The following SLC46A1 variants were observed in gnomAD, a reference collection of about 807,000 sequenced individuals.
SLC46A1 encodes the protein proton-coupled folate transporter.
Under a neutral mutation model 32.1 loss-of-function variants are expected in SLC46A1, and 17 were observed. That is an observed-to-expected ratio of 0.53 (90% CI 0.36 to 0.79). The LOEUF (loss-of-function observed/expected upper bound fraction) is 0.79. Ranked by LOEUF, SLC46A1 falls within the 30% of genes least tolerant of loss-of-function variation. The pLI, the probability that SLC46A1 is intolerant of heterozygous loss-of-function variation, is 0.00. For synonymous variants in SLC46A1, 240 were observed against 262.7 expected, an observed-to-expected ratio of 0.91 and a Z score of 0.84; for missense variants, 517 against 588.2, an observed-to-expected ratio of 0.88 and a Z score of 1.25.
chr17:28,399,799 T>C (rs2068174406), intron 4 of SLC46A1, 86 bp from the exon 5 acceptor site: 11 of 1,447,510 alleles, frequency 7.6e-6, no homozygotes, highest in Non-Finnish European at 9.7e-6. Flanking sequence ...TTTACTGGGG[T>C]GGGCTGGTCC....
At position 28,406,091 on chromosome 17, in the gene SLC46A1, C is replaced by G; in HGVS notation, c.24G>C (p.Pro8=). 3 of 1,564,872 alleles carry G rather than the reference C, an allele frequency of 1.9e-6. No individual in the cohort carries two copies. Among genetic ancestry groups the G allele is most frequent in the Non-Finnish European group, 2.6e-6 (3 of 1,157,984 alleles). The change falls in exon 1 of 5, where the codon CCG becomes CCC. Residue 8 remains proline, a synonymous_variant. Coordinates refer to ENST00000612814, the MANE Select transcript of SLC46A1 (RefSeq NM_080669.6). The surrounding 1 kb of genome is among the most constrained non-coding windows in gnomAD (Gnocchi z 4.5). Reference sequence around the variant, plus strand: ...CCGCAGGGCGGGCGCGGGGCTTTTCCGGGGGGCTCGCGCTCCCCTCCATGT... The same window carrying G: ...CCGCAGGGCGGGCGCGGGGCTTTTCGGGGGGGCTCGCGCTCCCCTCCATGT... The part of the protein sequence containing the change: MEGSASP[P]EKPRARPAAA...
chr17:28,405,925 C>G lies in SLC46A1; in HGVS notation c.190G>C (p.Gly64Arg), dbSNP rs782360877. ...TCCGCGCTGCGGTTGCTGCAGCCCC[C>G]CCTTTGGCGGGTGCCATTGTAGCCG... ...DLGYNGTRQR[G>R]GCSNRSADPT... Residue 64 changes from glycine (G) to arginine (R), a missense_variant, in exon 1 of 5, where the codon GGG (glycine) becomes CGG (arginine). By Grantham distance (125) the Gly-to-Arg change is moderately radical (BLOSUM62 -2). Coordinates refer to ENST00000612814, the MANE Select transcript of SLC46A1 (RefSeq NM_080669.6). 1.6e-5 allele frequency: 26 copies of G among 1,609,468 alleles called. No homozygotes were observed. The highest frequency in any genetic ancestry group is 8.9e-5 in the South Asian group (8 of 90,328).
Position 28,399,390 on chromosome 17 carries a change from G to C in SLC46A1, c.*266C>G. 2.0e-6 allele frequency: 1 copy of C among 495,350 alleles called. No homozygotes were observed. Among genetic ancestry groups the C allele is most frequent in the South Asian group, 2.5e-5 (1 of 39,354 alleles). The allele number at this position is 495,350 out of a possible 1,614,324, so 30.7% of individuals were successfully genotyped here. On this transcript the variant is annotated 3_prime_UTR_variant, in exon 5 of 5. Transcript: ENST00000612814. ...TTATAAGTGATGGATAGCAGAAAGGGAGAACTGACTCCTGTCCCAAATAGC... is the reference window on the plus strand; with the variant it reads ...TTATAAGTGATGGATAGCAGAAAGGCAGAACTGACTCCTGTCCCAAATAGC...
rs2068191325 is a variant in SLC46A1, at chr17:28,401,012, T to G, written c.1166-246A>C. 14 of 512,374 alleles carry G rather than the reference T, an allele frequency of 2.7e-5. No homozygotes were observed. The South Asian group carries it at 3.0e-4, about 11-fold the overall frequency. The allele number at this position is 512,374 out of a possible 1,614,324, so 31.7% of individuals were successfully genotyped here. Reference sequence around the variant, plus strand: ...AAATCCACATTAAAAGTACATGTGATCTGACAGAACCCAGCACATAAAAGA... The same window carrying G: ...AAATCCACATTAAAAGTACATGTGAGCTGACAGAACCCAGCACATAAAAGA... On this transcript the variant is annotated intron_variant, in intron 3 of 4. Coordinates refer to ENST00000612814, the MANE Select transcript of SLC46A1 (RefSeq NM_080669.6).
At chr17:28,406,345 GA>G, upstream of SLC46A1, 1 of 412,656 alleles carries the variant, frequency 2.4e-6, no homozygotes, top group African/African-American at 2.1e-5. This position sits in a 1 kb window ranked among gnomAD's most constrained non-coding sequence, Gnocchi z 4.5. Context: ...CAGCCCGCGG[GA>G]TGACCTCACC....
In SLC46A1 at chr17:28,396,607, T is replaced by C; in HGVS notation, c.*3049A>G. 3.2e-6 allele frequency: 1 copy of C among 316,654 alleles called. No individual in the cohort carries two copies. Among genetic ancestry groups the C allele is most frequent in the Non-Finnish European group, 5.9e-6 (1 of 168,594 alleles). 19.6% of individuals were successfully genotyped at this position (316,654 alleles called of 1,614,324 possible). ...AGTTGGGGTGGGGGTGGTTCTGCATTCCCTTCTCCTGCTGATAGCAGTCAG... is the reference window on the plus strand; with the variant it reads ...AGTTGGGGTGGGGGTGGTTCTGCATCCCCTTCTCCTGCTGATAGCAGTCAG... On this transcript the variant is annotated 3_prime_UTR_variant, in exon 5 of 5. Coordinates refer to ENST00000612814, the MANE Select transcript of SLC46A1 (RefSeq NM_080669.6).
At chr17:28,405,754 G>C in intron 1 of SLC46A1, 133 bp downstream of exon 1, 4 of 1,119,672 alleles carry the variant, frequency 3.6e-6, no homozygotes, top group Non-Finnish European at 5.0e-6. Flanking sequence ...CTTTGCTCTG[G>C]TCCCGCCCAC....
At position 28,406,122 on chromosome 17, in the gene SLC46A1, C is replaced by T. The variant is rs782192529; in HGVS notation, c.-8G>A. On this transcript the variant is annotated 5_prime_UTR_variant, in exon 1 of 5. Coordinates refer to ENST00000612814, the MANE Select transcript of SLC46A1 (RefSeq NM_080669.6). The surrounding 1 kb of genome is among the most constrained non-coding windows in gnomAD (Gnocchi z 4.5). Reference sequence around the variant, plus strand: ...GCTCGCGCTCCCCTCCATGTGCGTGCGCGGCGGAGCTGTCGCCAGGCGGGC... The same window carrying T: ...GCTCGCGCTCCCCTCCATGTGCGTGTGCGGCGGAGCTGTCGCCAGGCGGGC... 22 of 1,428,646 alleles carry T rather than the reference C, an allele frequency of 1.5e-5. 1 individual carries two copies. Among genetic ancestry groups the T allele is most frequent in the South Asian group, 1.4e-4 (9 of 65,032 alleles). The allele number at this position is 1,428,646 out of a possible 1,614,324, so 88.5% of individuals were successfully genotyped here. A position where few individuals can be genotyped will look rare whatever the true frequency, so the allele number is the denominator to read the frequency against.
Position 28,394,720 on chromosome 17 carries a change from CT to C in SLC46A1, c.*4935del, listed in dbSNP as rs1555587393. On this transcript the variant is annotated 3_prime_UTR_variant, in exon 5 of 5. Coordinates refer to ENST00000612814, the MANE Select transcript of SLC46A1 (RefSeq NM_080669.6). ...GAAAATAAGACTAAGTATAGAGTTT[CT>C]TTGAGTGCAAAGTTTGAGAATAGCC... 2.0e-5 allele frequency: 3 copies of C among 152,174 alleles called. No individual in the cohort carries two copies. Among genetic ancestry groups the C allele is most frequent in the African/African-American group, 7.2e-5 (3 of 41,426 alleles). 9.4% of individuals were successfully genotyped at this position (152,174 alleles called of 1,614,324 possible). A position where few individuals can be genotyped will look rare whatever the true frequency, so the allele number is the denominator to read the frequency against.
rs781871462 is a variant in SLC46A1, at chr17:28,405,498, T to A, written c.229-30A>T. The A allele has an allele frequency of 1.2e-5, 19 of 1,588,428 alleles. No homozygotes were observed. In the South Asian group the frequency reaches 2.1e-4, roughly 17 times the overall value. Reference sequence around the variant, plus strand: ...AGGGGCACAATGACCAGGGTGCGGTTCCTCACTCTGGGTTCCACAATCCCC... The same window carrying A: ...AGGGGCACAATGACCAGGGTGCGGTACCTCACTCTGGGTTCCACAATCCCC... On this transcript the variant is annotated intron_variant, in intron 1 of 4. Coordinates refer to ENST00000612814, the MANE Select transcript of SLC46A1 (RefSeq NM_080669.6).
Position 28,398,944 on chromosome 17 carries a change from G to A in SLC46A1, c.*712C>T, listed in dbSNP as rs1464357691. 2.0e-5 allele frequency: 3 copies of A among 152,308 alleles called. No homozygotes were observed. The highest frequency in any genetic ancestry group is 7.2e-5 in the African/African-American group (3 of 41,446). The allele number at this position is 152,308 out of a possible 1,614,324, so 9.4% of individuals were successfully genotyped here. A position where few individuals can be genotyped will look rare whatever the true frequency, so the allele number is the denominator to read the frequency against. On this transcript the variant is annotated 3_prime_UTR_variant, in exon 5 of 5. Coordinates refer to ENST00000612814, the MANE Select transcript of SLC46A1 (RefSeq NM_080669.6). ...CCAGGCAGCTCAGGGCTCCTGCCCA[G>A]CCCAGCAGCTTCTGTTGTCTAACGT...
intron 4 of SLC46A1, 191 bp from the exon 5 acceptor site, chr17:28,399,904 T>G: frequency 1.7e-6 from 1 of 598,400 alleles, no homozygotes; most frequent in Non-Finnish European, 3.0e-6. Flanking sequence ...TAACTTTTTT[T>G]TTTTTAAGAG....
At chr17:28,404,452 T>C in intron 2 of SLC46A1, 164 bp downstream of exon 2, 1 of 872,700 alleles carries the variant, frequency 1.1e-6, no homozygotes, top group Non-Finnish European at 1.8e-6. Flanking sequence ...AAAGATGGCA[T>C]TTTTGAGGGA....
chr17:28,400,735 A>C lies in SLC46A1; in HGVS notation c.1197T>G (p.Asn399Lys). 1 of 1,594,470 alleles carries C rather than the reference A, an allele frequency of 6.3e-7. No homozygotes were observed. Among genetic ancestry groups the C allele is most frequent in the South Asian group, 1.1e-5 (1 of 88,418 alleles). ...CGGAGGCCGTCAGCATGGCCAGGCT[A>C]TTCACACAGGCCACAGCAGAAAAGA... The part of the protein sequence containing the change: ...GALFSAVACV[N>K]SLAMLTASGI... Residue 399 changes from asparagine to lysine, a missense_variant, in exon 4 of 5, where the codon AAT becomes AAG. Transcript: ENST00000612814.
At position 28,395,911 on chromosome 17, in the gene SLC46A1, G is replaced by A. The variant is rs781916448; in HGVS notation, c.*3745C>T. On this transcript the variant is annotated 3_prime_UTR_variant, in exon 5 of 5. Transcript: ENST00000612814. ...CTTTCCTTTCTTTCTCCAGGAGATT[G>A]TGACTGCTTTAAGCTGCGGCAAGAA... 3.1e-6 allele frequency: 5 copies of A among 1,613,872 alleles called. No homozygotes were observed. The highest frequency in any genetic ancestry group is 4.2e-6 in the Non-Finnish European group (5 of 1,179,878).
Position 28,396,614 on chromosome 17 carries a change from T to G in SLC46A1, c.*3042A>C. 1 of 299,692 alleles carries G rather than the reference T, an allele frequency of 3.3e-6. No homozygotes were observed. Among genetic ancestry groups the G allele is most frequent in the Non-Finnish European group, 6.3e-6 (1 of 158,568 alleles). 18.6% of individuals were successfully genotyped at this position (299,692 alleles called of 1,614,324 possible). On this transcript the variant is annotated 3_prime_UTR_variant, in exon 5 of 5. Transcript: ENST00000612814. ...GTGGGGGTGGTTCTGCATTCCCTTCTCCTGCTGATAGCAGTCAGCTTGAGG... is the reference window on the plus strand; with the variant it reads ...GTGGGGGTGGTTCTGCATTCCCTTCGCCTGCTGATAGCAGTCAGCTTGAGG...
At position 28,397,903 on chromosome 17, in the gene SLC46A1, A is replaced by AGG. The variant is rs2068150261; in HGVS notation, c.*1752_*1753insCC. 6.6e-6 allele frequency: 1 copy of AGG among 152,564 alleles called. No homozygotes were observed. The highest frequency in any genetic ancestry group is 1.5e-5 in the Non-Finnish European group (1 of 68,328). 9.5% of individuals were successfully genotyped at this position (152,564 alleles called of 1,614,324 possible). A position where few individuals can be genotyped will look rare whatever the true frequency, so the allele number is the denominator to read the frequency against. On this transcript the variant is annotated 3_prime_UTR_variant, in exon 5 of 5. Transcript: ENST00000612814. ...TGGCTGTGCTGGCCAGGTGACTCCT[A>AGG]GTTCTTGGCCACATCATCAGAAAGT...
Position 28,396,303 on chromosome 17 carries a change from C to A in SLC46A1, c.*3353G>T. 6.2e-7 allele frequency: 1 copy of A among 1,613,598 alleles called. No individual in the cohort carries two copies. The highest frequency in any genetic ancestry group is 8.5e-7 in the Non-Finnish European group (1 of 1,179,710). ...CCAACCTAACCAGTCCCCAGTTCCC[C>A]AGCCCTGCTGTGACTTCCATTTCCA... On this transcript the variant is annotated 3_prime_UTR_variant, in exon 5 of 5. Coordinates refer to ENST00000612814, the MANE Select transcript of SLC46A1 (RefSeq NM_080669.6).
chr17:28,405,177 T>G lies in SLC46A1; in HGVS notation c.520A>C (p.Ser174Arg). The G allele has an allele frequency of 1.2e-6, 2 of 1,608,404 alleles. No individual in the cohort carries two copies. The highest frequency in any genetic ancestry group is 1.7e-6 in the Non-Finnish European group (2 of 1,177,320). Residue 174 changes from serine to arginine, a missense_variant, in exon 2 of 5, where the codon AGT becomes CGT. Ser to Arg is a moderately radical substitution (Grantham distance 110). Coordinates refer to ENST00000612814, the MANE Select transcript of SLC46A1 (RefSeq NM_080669.6). ...GCCATCCGGAAGGTGCGGCTGCGAC[T>G]GGAGCTGACATCTGCCACGGACGCA... is the stretch of plus-strand genomic sequence containing the variant. ...SFASVADVSS[S>R]RSRTFRMALL...
Sources: allele counts gnomAD v4.1 joint callset, GRCh38; gene constraint gnomAD v4.1.1; non-coding constraint Gnocchi (gnomAD v3.1); transcripts MANE v1.5; gene names NCBI Gene and HGNC (gene_info 2026-07-23, HGNC 2026-07-21).